GLIPR1L1: variants seen among roughly 807,000 people sequenced by gnomAD.
GLIPR1L1 encodes the protein GLIPR1 like 1, also known as GLIPR1-like protein 1.
A neutral mutation model predicts 29.9 loss-of-function variants in GLIPR1L1; 26 were observed. The observed-to-expected ratio is 0.87, with a 90% CI of 0.64 to 1.21. The LOEUF (loss-of-function observed/expected upper bound fraction) is 1.21, where lower values mean the gene tolerates loss of function less well. Among genes scored for constraint, GLIPR1L1 ranks in the 50% most tolerant of loss-of-function variants. The pLI is 0.00. For synonymous variants in GLIPR1L1, 77 were observed against 97.5 expected, an observed-to-expected ratio of 0.79 and a Z score of 1.24; for missense variants, 305 against 290.3, an observed-to-expected ratio of 1.05 and a Z score of -0.37.
Position 75,366,763 on chromosome 12 carries a change from G to A in GLIPR1L1, c.611-3197G>A, listed in dbSNP as rs753238741. The A allele has an allele frequency of 1.2e-4, 78 of 642,928 alleles. No homozygotes were observed. In the Middle Eastern group the frequency reaches 1.2e-3, roughly 10 times the overall value. The allele number at this position is 642,928 out of a possible 1,614,324, so 39.8% of individuals were successfully genotyped here. On this transcript the variant is annotated intron_variant, in intron 4 of 5. Transcript: ENST00000378695. ...TGTTTTACCAATGAGTCATTTCCAC[G>A]CTCTTATGTGTCTCAGTTTCTCTCT...
rs769827041 is a variant in GLIPR1L1, at chr12:75,334,918, G to A, written c.174+16G>A. 6.2e-7 allele frequency: 1 copy of A among 1,609,786 alleles called. No homozygotes were observed. Among genetic ancestry groups the A allele is most frequent in the Non-Finnish European group, 8.5e-7 (1 of 1,177,670 alleles). On this transcript the variant is annotated intron_variant, in intron 1 of 5. Coordinates refer to ENST00000378695, the MANE Select transcript of GLIPR1L1 (RefSeq NM_001304964.2). ...GAAATACATGGTGAGAAAGAACCAGGGCTGGGCTCTTAAATCCCTGACTCA... is the reference window on the plus strand; with the variant it reads ...GAAATACATGGTGAGAAAGAACCAGAGCTGGGCTCTTAAATCCCTGACTCA...
chr12:75,369,377 G>A (rs1470617316), intron 4 of GLIPR1L1: 2 of 258,610 alleles, frequency 7.7e-6, no homozygotes, highest in African/African-American at 4.6e-5. Context: ...ACAATAAAAG[G>A]GATTTTATTT....
At chr12:75,347,809 T>C (rs867298528) in intron 3 of GLIPR1L1, 87 bp downstream of exon 3, 8 of 688,940 alleles carry the variant, frequency 1.2e-5, no homozygotes, top group Non-Finnish European at 1.9e-5. Flanking sequence ...TAGACACAAG[T>C]GTATTTTTGA....
At chr12:75,349,362 C>T (rs936455619) in intron 3 of GLIPR1L1, among the ~76,000 whole-genome samples, 4 of 152,054 alleles carry the variant, frequency 2.6e-5, no homozygotes, top group African/African-American at 9.7e-5. Context: ...AACAACATAA[C>T]TTTAACAACA....
intron 4 of GLIPR1L1, among the ~76,000 whole-genome samples, chr12:75,368,450 A>C (rs947880282): frequency 1.3e-5 from 2 of 151,856 alleles, no homozygotes; most frequent in Middle Eastern, 3.4e-3. Flanking sequence ...TTTCTAATAT[A>C]ACACAGCTAC....
At chr12:75,353,681 G>T (rs939347458) in intron 3 of GLIPR1L1, among the ~76,000 whole-genome samples, 1 of 152,024 alleles carries the variant, frequency 6.6e-6, no homozygotes, top group Non-Finnish European at 1.5e-5. Context: ...ACCTGGCAAA[G>T]AAACAACAAC....
intron 4 of GLIPR1L1, among the ~76,000 whole-genome samples, chr12:75,369,201 AT>A (rs1194946280): frequency 6.6e-6 from 1 of 151,946 alleles, no homozygotes; most frequent in Non-Finnish European, 1.5e-5. Context: ...TCAAAAAGTA[AT>A]TTTTCAATAC....
At chr12:75,367,445 T>A (rs1336667214) in intron 4 of GLIPR1L1, among the ~76,000 whole-genome samples, 1 of 152,058 alleles carries the variant, frequency 6.6e-6, no homozygotes, top group Non-Finnish European at 1.5e-5. Context: ...AAAATTGAAA[T>A]ACGAATACAC....
intron 3 of GLIPR1L1, among the ~76,000 whole-genome samples, chr12:75,350,506 CTT>C (rs1308507848): frequency 6.6e-6 from 1 of 152,204 alleles, no homozygotes; most frequent in Non-Finnish European, 1.5e-5. Flanking sequence ...AGGCTGCCAT[CTT>C]TGCTGTTCTG....
chr12:75,343,872 T>C lies in GLIPR1L1; in HGVS notation c.354T>C (p.Tyr118=). The C allele has an allele frequency of 1.2e-6, 2 of 1,612,480 alleles. No individual in the cohort carries two copies. Among genetic ancestry groups the C allele is most frequent in the Non-Finnish European group, 1.7e-6 (2 of 1,178,630 alleles). Residue 118 remains tyrosine (Y), a synonymous_variant, in exon 2 of 6, where the codon TAT becomes TAC. Coordinates refer to ENST00000378695, the MANE Select transcript of GLIPR1L1 (RefSeq NM_001304964.2). ...FTPRHAITAW[Y]NETQFYDFDS... ...CAAGACATGCCATTACGGCTTGGTA[T>C]AATGAAACCCAATTTTATGATTTTG... is the stretch of plus-strand genomic sequence containing the variant.
chr12:75,358,748 TATATA>T (rs201802966), intron 3 of GLIPR1L1, among the ~76,000 whole-genome samples: 326 of 145,088 alleles, frequency 2.2e-3, no homozygotes, highest in African/African-American at 6.2e-3. Context: ...GGTTTAAATA[TATATA>T]ATATATTATA....
intron 3 of GLIPR1L1, chr12:75,359,817 C>T (rs2139572332): frequency 6.6e-6 from 1 of 152,166 alleles, no homozygotes; most frequent in East Asian, 1.9e-4. Flanking sequence ...CAAAAATTAA[C>T]TCAAAATGGA....
At chr12:75,363,044 G>T in intron 3 of GLIPR1L1, 58 bp from the exon 4 acceptor site, 1 of 860,738 alleles carries the variant, frequency 1.2e-6, no homozygotes, top group Non-Finnish European at 1.8e-6. Context: ...ATACATGCAT[G>T]AACAAAATTG....
chr12:75,336,009 A>G (rs1161635214), intron 1 of GLIPR1L1, among the ~76,000 whole-genome samples: 1 of 152,000 alleles, frequency 6.6e-6, no homozygotes, highest in Admixed American at 6.5e-5. Context: ...GCAAAATATG[A>G]TAACAATGAA....
At chr12:75,351,430 C>G (rs763956136) in intron 3 of GLIPR1L1, among the ~76,000 whole-genome samples, 4 of 152,266 alleles carry the variant, frequency 2.6e-5, no homozygotes, top group Non-Finnish European at 4.4e-5. Context: ...TAAGGGCAGC[C>G]AGAGAGAAAG....
intron 3 of GLIPR1L1, among the ~76,000 whole-genome samples, chr12:75,348,535 T>C (rs2042599553): frequency 6.6e-6 from 1 of 152,244 alleles, no homozygotes; most frequent in Admixed American, 6.5e-5. Context: ...ACACATTTAT[T>C]ATCATCTTTT....
chr12:75,365,061 C>G (rs1242856374), intron 4 of GLIPR1L1: 3 of 152,110 alleles, frequency 2.0e-5, no homozygotes, highest in African/African-American at 7.2e-5. Flanking sequence ...CTAATTATAT[C>G]CCTCAAAACC....
At chr12:75,367,430 T>G (rs1002624697) in intron 4 of GLIPR1L1, among the ~76,000 whole-genome samples, 4 of 152,116 alleles carry the variant, frequency 2.6e-5, no homozygotes, top group Non-Finnish European at 4.4e-5. Flanking sequence ...TTAAACTTTT[T>G]GTTAAAAATT....
chr12:75,366,330 G>A (rs1000377252), intron 4 of GLIPR1L1, among the ~76,000 whole-genome samples: 1 of 152,042 alleles, frequency 6.6e-6, no homozygotes, highest in Non-Finnish European at 1.5e-5. Context: ...CTAAACAGTG[G>A]GTTTTGTCTC....
Sources: gnomAD v4.1 joint callset for allele counts (sites outside exome capture counted in the v4.1 genomes callset) on GRCh38, gnomAD v4.1.1 for gene constraint, MANE v1.5 for transcripts, NCBI Gene and HGNC (gene_info 2026-07-23, HGNC 2026-07-21) for gene names.